MAPK13: variants seen among roughly 807,000 people sequenced by gnomAD.
MAPK13 encodes the protein mitogen-activated protein kinase 13, also known as MAP kinase 13.
MAPK13 carries 39 observed loss-of-function variants against 53.5 expected under a neutral mutation model. That is an observed-to-expected ratio of 0.73 (90% CI 0.56 to 0.95). The LOEUF (loss-of-function observed/expected upper bound fraction) is 0.95, where lower values mean the gene tolerates loss of function less well. Among genes scored for constraint, MAPK13 ranks in the 40% least tolerant of loss-of-function variants. The pLI is 0.00. For synonymous variants in MAPK13, 179 were observed against 190.9 expected (o/e 0.94, Z 0.51); for missense variants, 460 against 471.8 (o/e 0.98, Z 0.23).
At position 36,143,312 on chromosome 6, in the gene MAPK13, G is replaced by A. The variant is rs1405185951; in HGVS notation, c.*3939G>A. On this transcript the variant is annotated 3_prime_UTR_variant, in exon 12 of 12. Transcript: ENST00000211287. ...AAGGGGAGACAGAAATGGAGGAATA[G>A]CCCCCGTAAGGGCAAGCCCAGTGTG... 6.7e-6 allele frequency: 1 copy of A among 149,760 alleles called. No individual in the cohort carries two copies. The highest frequency in any genetic ancestry group is 6.7e-5 in the Admixed American group (1 of 15,008). The allele number at this position is 149,760 out of a possible 1,614,324, so 9.3% of individuals were successfully genotyped here. A position where few individuals can be genotyped will look rare whatever the true frequency, so the allele number is the denominator to read the frequency against.
chr6:36,139,741 A>C lies in MAPK13; in HGVS notation c.*368A>C, dbSNP rs1766497153. 4.5e-6 allele frequency: 1 copy of C among 222,194 alleles called. No individual in the cohort carries two copies. The highest frequency in any genetic ancestry group is 7.0e-5 in the South Asian group (1 of 14,300). 13.8% of individuals were successfully genotyped at this position (222,194 alleles called of 1,614,324 possible). ...CACAAACCTGGTGGATTGAAACAGC[A>C]GAACTTGATTCCCTTACAGTTCTGG... On this transcript the variant is annotated 3_prime_UTR_variant, in exon 12 of 12. Coordinates refer to ENST00000211287, the MANE Select transcript of MAPK13 (RefSeq NM_002754.5).
chr6:36,137,579 G>GTC (rs1408582013), intron 8 of MAPK13, among the ~76,000 whole-genome samples: 9 of 151,758 alleles, frequency 5.9e-5, no homozygotes, highest in Non-Finnish European at 1.0e-4. Flanking sequence ...GAGCCTGGGA[G>GTC]GTTGAGGCTG....
chr6:36,131,480 T>C, intron 2 of MAPK13, 80 bp downstream of exon 2: 3 of 1,423,302 alleles, frequency 2.1e-6, no homozygotes, highest in East Asian at 2.3e-5. Context: ...CCTCCCGGTA[T>C]GGAGAGCTCG....
rs1766492592 is a variant in MAPK13 at position 36,139,565 on chromosome 6, A to C, written c.*192A>C. The C allele has an allele frequency of 1.8e-6, 1 of 570,968 alleles. No individual in the cohort carries two copies. Among genetic ancestry groups the C allele is most frequent in the South Asian group, 2.1e-5 (1 of 48,130 alleles). 35.4% of individuals were successfully genotyped at this position (570,968 alleles called of 1,614,324 possible). ...TTGGGAGAAACTAGCTCTGATCCTA[A>C]CAGGCCACGTTAAACTGCCCATCTG... On this transcript the variant is annotated 3_prime_UTR_variant, in exon 12 of 12. Transcript: ENST00000211287.
In MAPK13 at chr6:36,139,357, G is replaced by C. The variant is rs1275296124; in HGVS notation, c.1082G>C (p.Ser361Thr). 6.2e-7 allele frequency: 1 copy of C among 1,614,144 alleles called. No homozygotes were observed. Among genetic ancestry groups the C allele is most frequent in the Non-Finnish European group, 8.5e-7 (1 of 1,180,032 alleles). ...GCCCGGAAGGACTCACGGCGCCGGAGTGGCATGAAGCTGTAGGGACTCATC... is the reference window on the plus strand; with the variant it reads ...GCCCGGAAGGACTCACGGCGCCGGACTGGCATGAAGCTGTAGGGACTCATC... ...PIARKDSRRR[S>T]GMKL Residue 361 changes from serine to threonine, a missense_variant, in exon 12 of 12, where the codon AGT becomes ACT. Ser to Thr is a moderately conservative substitution (Grantham distance 58). Transcript: ENST00000211287.
chr6:36,130,959 T>C lies in MAPK13; in HGVS notation c.119+258T>C. ...AAGACCCCAGAGTTCATCGGGCAGA[T>C]CCTCACTGTTACAGACGAGTACACC... On this transcript the variant is annotated intron_variant, in intron 1 of 11. Transcript: ENST00000211287. This position sits in a 1 kb window ranked among gnomAD's most constrained non-coding sequence, Gnocchi z 4.5. 1.9e-6 allele frequency: 1 copy of C among 516,532 alleles called. No individual in the cohort carries two copies. The highest frequency in any genetic ancestry group is 3.4e-6 in the Non-Finnish European group (1 of 291,214). The allele number at this position is 516,532 out of a possible 1,614,324, so 32.0% of individuals were successfully genotyped here. A position where few individuals can be genotyped will look rare whatever the true frequency, so the allele number is the denominator to read the frequency against.
intron 3 of MAPK13, among the ~76,000 whole-genome samples, chr6:36,135,189 C>G (rs1766392500): frequency 6.6e-6 from 1 of 152,122 alleles, no homozygotes; most frequent in Non-Finnish European, 1.5e-5. Context: ...CTGGTCTTTG[C>G]TTTTACTGTA....
intron 3 of MAPK13, among the ~76,000 whole-genome samples, chr6:36,134,083 G>C (rs980498059): frequency 1.3e-5 from 2 of 152,304 alleles, no homozygotes; most frequent in East Asian, 3.9e-4. Context: ...AAGTTTGGTG[G>C]TGAGAGAGGG....
chr6:36,134,056 T>C (rs1261038767), intron 3 of MAPK13, among the ~76,000 whole-genome samples: 1 of 152,168 alleles, frequency 6.6e-6, no homozygotes, highest in Non-Finnish European at 1.5e-5. Flanking sequence ...TCCAGGAGTG[T>C]GGACCGCCCT....
rs746700636 is a variant in MAPK13 at position 36,135,714 on chromosome 6, G to A, written c.309-39G>A. 1.2e-5 allele frequency: 18 copies of A among 1,459,402 alleles called. No homozygotes were observed. In the African/African-American group the frequency reaches 2.2e-4, roughly 18 times the overall value. The allele number at this position is 1,459,402 out of a possible 1,614,324, so 90.4% of individuals were successfully genotyped here. A position where few individuals can be genotyped will look rare whatever the true frequency, so the allele number is the denominator to read the frequency against. ...CTGAGCTCTGACCTGGGGCTGGGTG[G>A]GACCCGGCACTGTTCCAAGAACCCC... On this transcript the variant is annotated intron_variant, in intron 3 of 11. Coordinates refer to ENST00000211287, the MANE Select transcript of MAPK13 (RefSeq NM_002754.5).
In MAPK13 at chr6:36,138,702, G is replaced by A. The variant is rs1464493128; in HGVS notation, c.763G>A (p.Ala255Thr). 7.4e-6 allele frequency: 12 copies of A among 1,614,058 alleles called. No homozygotes were observed. The highest frequency in any genetic ancestry group is 1.0e-5 in the Non-Finnish European group (12 of 1,179,952). ...EFVQKLNDKA[A>T]KSYIQSLPQT... ...GGTTTGATGCTTTTCTGTCTTCCAGGCCAAATCCTACATCCAGTCCCTGCC... is the reference window on the plus strand; with the variant it reads ...GGTTTGATGCTTTTCTGTCTTCCAGACCAAATCCTACATCCAGTCCCTGCC... The change falls in exon 10 of 12, where the codon GCC (alanine) becomes ACC (threonine). Residue 255 changes from alanine (A) to threonine (T), a missense_variant and splice_region_variant. Ala to Thr is a moderately conservative substitution (Grantham distance 58). Coordinates refer to ENST00000211287, the MANE Select transcript of MAPK13 (RefSeq NM_002754.5).
At chr6:36,131,127 C>A in intron 1 of MAPK13, 144 bp from the exon 2 acceptor site, 2 of 935,372 alleles carry the variant, frequency 2.1e-6, no homozygotes, top group East Asian at 2.9e-5. Flanking sequence ...CTACTCCCTG[C>A]CCTGCGTCCC....
Position 36,142,412 on chromosome 6 carries a change from C to T in MAPK13, c.*3039C>T, listed in dbSNP as rs1012380040. The T allele has an allele frequency of 2.0e-5, 3 of 152,472 alleles. No homozygotes were observed. Among genetic ancestry groups the T allele is most frequent in the Non-Finnish European group, 2.9e-5 (2 of 68,216 alleles). 9.4% of individuals were successfully genotyped at this position (152,472 alleles called of 1,614,324 possible). ...GCCCTCCATTCTCCTCTCCATTCTCCTTGGCCTTCAAGGCTCTACCTTAGG... is the reference window on the plus strand; with the variant it reads ...GCCCTCCATTCTCCTCTCCATTCTCTTTGGCCTTCAAGGCTCTACCTTAGG... On this transcript the variant is annotated 3_prime_UTR_variant, in exon 12 of 12. Coordinates refer to ENST00000211287, the MANE Select transcript of MAPK13 (RefSeq NM_002754.5). This position sits in a 1 kb window ranked among gnomAD's most constrained non-coding sequence, Gnocchi z 4.4.
intron 11 of MAPK13, 90 bp from the exon 12 acceptor site, chr6:36,139,204 G>T: frequency 6.9e-7 from 1 of 1,452,100 alleles, no homozygotes; most frequent in South Asian, 1.2e-5. Context: ...TCCTTGAGCT[G>T]ACTTCGCTCT....
chr6:36,138,744 G>A lies in MAPK13; in HGVS notation c.805G>A (p.Asp269Asn). 3 of 1,614,170 alleles carry A rather than the reference G, an allele frequency of 1.9e-6. No individual in the cohort carries two copies. Among genetic ancestry groups the A allele is most frequent in the Non-Finnish European group, 2.5e-6 (3 of 1,180,030 alleles). ...IQSLPQTPRK[D>N]FTQLFPRASP... ...GTCCCTGCCACAGACCCCCAGGAAG[G>A]ATTTCACTCAGCTGTTCCCACGGGC... Residue 269 changes from aspartate to asparagine, a missense_variant, in exon 10 of 12, where the codon GAT (aspartate) becomes AAT (asparagine). Asp to Asn is a conservative substitution (Grantham distance 23). Transcript: ENST00000211287.
At chr6:36,131,203 G>C (rs1016576782) in intron 1 of MAPK13, 68 bp from the exon 2 acceptor site, 2 of 1,558,748 alleles carry the variant, frequency 1.3e-6, no homozygotes, top group Non-Finnish European at 1.7e-6. Flanking sequence ...AGTGGGAGGG[G>C]TCAGGGCGGT....
At chr6:36,136,382 G>A (rs1766417002) in intron 5 of MAPK13, 102 bp from the exon 6 acceptor site, 13 of 983,750 alleles carry the variant, frequency 1.3e-5, no homozygotes, top group Non-Finnish European at 1.9e-5. Context: ...AGGCCCAGAA[G>A]GGGAAGGGGC....
At chr6:36,136,094 C>A in intron 5 of MAPK13, 46 bp downstream of exon 5, 3 of 1,609,476 alleles carry the variant, frequency 1.9e-6, no homozygotes, top group Non-Finnish European at 2.6e-6. Context: ...CTGTCCCATC[C>A]CTGGGTATGG....
At chr6:36,139,210 G>A (rs956276969) in intron 11 of MAPK13, 84 bp from the exon 12 acceptor site, 34 of 1,454,262 alleles carry the variant, frequency 2.3e-5, no homozygotes, top group Middle Eastern at 1.7e-4. Context: ...AGCTGACTTC[G>A]CTCTCCATGC....
Sources: gnomAD v4.1 joint callset for allele counts (sites outside exome capture counted in the v4.1 genomes callset) on GRCh38, gnomAD v4.1.1 for gene constraint, Gnocchi (gnomAD v3.1) non-coding constraint, MANE v1.5 for transcripts, NCBI Gene and HGNC (gene_info 2026-07-23, HGNC 2026-07-21) for gene names.